Variants in MYMX observed in about 807,000 individuals in gnomAD.
MYMX encodes protein myomixer.
the MYMX span, among the ~76,000 whole-genome samples, chr6:44,204,038 T>C: frequency 6.6e-6 from 1 of 151,976 alleles, no homozygotes; most frequent in East Asian, 1.9e-4. Context: ...TAATAGAGAC[T>C]GGGTTTCCAT....
At chr6:44,216,562 G>C (rs922641615), upstream of MYMX, among the ~76,000 whole-genome samples, 1 of 150,098 alleles carries the variant, frequency 6.7e-6, no homozygotes, top group African/African-American at 2.5e-5. Flanking sequence ...TGAGGTAGGA[G>C]AATCGCTTGA....
At chr6:44,215,297 G>A (rs1346726819), upstream of MYMX, among the ~76,000 whole-genome samples, 1 of 152,248 alleles carries the variant, frequency 6.6e-6, no homozygotes, top group East Asian at 1.9e-4. Flanking sequence ...AATAGGTTGA[G>A]TGCAGTGGCT....
the MYMX span, among the ~76,000 whole-genome samples, chr6:44,210,526 G>C: frequency 3.3e-5 from 5 of 151,980 alleles, no homozygotes; most frequent in East Asian, 7.7e-4. Flanking sequence ...GGCCTCAAGC[G>C]ATCTTCCTAC....
At position 44,217,540 on chromosome 6, in the gene MYMX, C is replaced by A; in HGVS notation, c.69C>A (p.Arg23=). The A allele has an allele frequency of 4.9e-6, 2 of 405,268 alleles. No individual in the cohort carries two copies. The highest frequency in any genetic ancestry group is 8.7e-6 in the Non-Finnish European group (2 of 229,804). 25.1% of individuals were successfully genotyped at this position (405,268 alleles called of 1,614,324 possible). The stretch of plus-strand genomic sequence containing the variant: ...CCTGCCTGCTGCTGCCTGCTGCCCG[C>A]CTGGCCCGCCAATACCTCCTGCCCC... ...LLSCLLLPAA[R]LARQYLLPLL... is the part of the protein sequence containing the mutation. The change falls in exon 2 of 2, where the codon CGC becomes CGA. Residue 23 remains arginine, a synonymous_variant. Transcript: ENST00000573382.
the MYMX span, among the ~76,000 whole-genome samples, chr6:44,206,243 A>G: frequency 6.6e-6 from 1 of 151,230 alleles, no homozygotes; most frequent in African/African-American, 2.4e-5. Flanking sequence ...ATTTTATTTT[A>G]TTTTTTGAGA....
rs2297393 is a variant in MYMX, at chr6:44,216,982, T to C, written c.-23+14T>C. ...CAGTTCTGCCCGGTGAGAGCTGCCG[T>C]GGATTGGTGGGGGTAGGGGACTGAG... is the stretch of plus-strand genomic sequence containing the variant. On this transcript the variant is annotated intron_variant, in intron 1 of 1. Coordinates refer to ENST00000573382, the MANE Select transcript of MYMX (RefSeq NM_001315494.2). 65,625 of 153,444 alleles carry C rather than the reference T, an allele frequency of 0.43. 14,352 individuals carry two copies. The highest frequency in any genetic ancestry group is 0.56 in the Middle Eastern group (167 of 296). 9.5% of individuals were successfully genotyped at this position (153,444 alleles called of 1,614,324 possible).
the MYMX span, among the ~76,000 whole-genome samples, chr6:44,199,352 G>C: frequency 4.0e-5 from 6 of 150,926 alleles, no homozygotes; most frequent in East Asian, 1.2e-3. Context: ...GTGTGCCACT[G>C]TGCCCCCTAA....
At chr6:44,211,788 T>TTGTGTGTGTGTG in the MYMX span, among the ~76,000 whole-genome samples, 17,464 of 126,238 alleles carry the variant, frequency 0.14, 1,567 homozygotes, top group South Asian at 0.27. Flanking sequence ...CAGCTAGGTT[T>TTGTGTGTGTGTG]TGTGTGTGTG....
the MYMX span, among the ~76,000 whole-genome samples, chr6:44,201,204 G>C: frequency 6.6e-6 from 1 of 152,160 alleles, no homozygotes; most frequent in African/African-American, 2.4e-5. Context: ...TCAGGCCCTA[G>C]CTCCTCACTC....
chr6:44,195,472 T>A, the MYMX span, among the ~76,000 whole-genome samples: 1 of 152,064 alleles, frequency 6.6e-6, no homozygotes, highest in Non-Finnish European at 1.5e-5. Flanking sequence ...ATTTTTTTTT[T>A]ATGTGTGTGT....
chr6:44,207,449 T>C, the MYMX span, among the ~76,000 whole-genome samples: 1 of 152,118 alleles, frequency 6.6e-6, no homozygotes, highest in Non-Finnish European at 1.5e-5. Context: ...GTCTTTGCTT[T>C]CTTTGGCTGT....
At chr6:44,200,315 T>C in the MYMX span, among the ~76,000 whole-genome samples, 1 of 152,118 alleles carries the variant, frequency 6.6e-6, no homozygotes. Flanking sequence ...TTTTTTATTT[T>C]ATTTTATTTT....
At chr6:44,198,736 C>CT in the MYMX span, among the ~76,000 whole-genome samples, 1 of 150,072 alleles carries the variant, frequency 6.7e-6, no homozygotes, top group Non-Finnish European at 1.5e-5. Context: ...AAGTTTTGGT[C>CT]TGTCGCCCAG....
chr6:44,212,633 T>C (rs138168525), upstream of MYMX, among the ~76,000 whole-genome samples: 423 of 151,740 alleles, frequency 2.8e-3, 2 homozygotes, highest in African/African-American at 9.9e-3. Context: ...ATATAGAACA[T>C]TGGGAGAAAG....
At chr6:44,208,488 C>T in the MYMX span, among the ~76,000 whole-genome samples, 3 of 152,136 alleles carry the variant, frequency 2.0e-5, no homozygotes, top group South Asian at 6.2e-4. Context: ...ACTCCCTGGC[C>T]CTGGCCCTCC....
chr6:44,217,151 T>C (rs75004898), intron 1 of MYMX, among the ~76,000 whole-genome samples, 183 bp downstream of exon 1: 4,824 of 151,892 alleles, frequency 0.032, 257 homozygotes, highest in African/African-American at 0.11. Flanking sequence ...AGGGGGTGAC[T>C]AGAGGAAGGG....
chr6:44,198,154 CTTTTTTTTTTTT>C, the MYMX span, among the ~76,000 whole-genome samples: 2 of 79,770 alleles, frequency 2.5e-5, no homozygotes, highest in African/African-American at 5.5e-5. Context: ...CCAAATTCCT[CTTTTTTTTTTTT>C]TTTTTTTTTT....
the MYMX span, among the ~76,000 whole-genome samples, chr6:44,193,789 T>C: frequency 4.5e-3 from 692 of 152,218 alleles, 12 homozygotes; most frequent in African/African-American, 0.015. Context: ...TCGAGACTGG[T>C]CTGGCCAAAA....
chr6:44,215,824 G>A (rs1358495059), upstream of MYMX, among the ~76,000 whole-genome samples: 1 of 151,970 alleles, frequency 6.6e-6, no homozygotes, highest in African/African-American at 2.4e-5. Context: ...GAACCTGGGA[G>A]GCAGAGGTTG....
Sources: allele counts gnomAD v4.1 joint callset (sites outside exome capture counted in the v4.1 genomes callset), GRCh38; gene constraint gnomAD v4.1.1; transcripts MANE v1.5; gene names NCBI Gene and HGNC (gene_info 2026-07-23, HGNC 2026-07-21).